Variants in NRG3 observed in about 807,000 individuals in gnomAD.
NRG3 encodes the protein neuregulin 3.
A neutral mutation model predicts 66.9 loss-of-function variants in NRG3; 31 were observed. The observed-to-expected ratio is 0.46, with a 90% CI of 0.35 to 0.63. The LOEUF is 0.63. Among genes scored for constraint, NRG3 ranks in the 20% least tolerant of loss-of-function variants. NRG3 has a pLI of 0.00. For synonymous variants in NRG3, 393 were observed against 359.4 expected (o/e 1.09, Z -1.06); for missense variants, 910 against 878.9 (o/e 1.04, Z -0.45).
At chr10:82,145,944 TACAGA>T (rs2070220852) in intron 1 of NRG3, among the ~76,000 whole-genome samples, 1 of 152,114 alleles carries the variant, frequency 6.6e-6, no homozygotes, top group South Asian at 2.1e-4. Context: ...CAGTGAACCA[TACAGA>T]ACTTGCATAT....
At chr10:81,907,191 A>G (rs1237004108) in intron 1 of NRG3, among the ~76,000 whole-genome samples, 2 of 152,132 alleles carry the variant, frequency 1.3e-5, no homozygotes, top group African/African-American at 4.8e-5. Context: ...GGAGAAGAAA[A>G]CCACCAACTA....
At chr10:82,574,271 G>A (rs1043843639) in intron 2 of NRG3, among the ~76,000 whole-genome samples, 4 of 151,720 alleles carry the variant, frequency 2.6e-5, no homozygotes, top group African/African-American at 9.7e-5. Context: ...AATGTCAAGT[G>A]AAATAAGCCA....
intron 1 of NRG3, among the ~76,000 whole-genome samples, chr10:82,016,807 G>C (rs1199697156): frequency 2.0e-5 from 3 of 152,166 alleles, no homozygotes; most frequent in Non-Finnish European, 4.4e-5. Context: ...TTAATAGCAA[G>C]TGAATTATAT....
chr10:82,644,443 A>G (rs1429796388), intron 2 of NRG3, among the ~76,000 whole-genome samples: 1 of 152,032 alleles, frequency 6.6e-6, no homozygotes, highest in African/African-American at 2.4e-5. Flanking sequence ...TTCTTTTTTT[A>G]ACTGTTAAAT....
At chr10:82,166,171 C>T (rs1564625024) in intron 1 of NRG3, among the ~76,000 whole-genome samples, 1 of 151,904 alleles carries the variant, frequency 6.6e-6, no homozygotes, top group Non-Finnish European at 1.5e-5. Flanking sequence ...TACAGGCATG[C>T]ACCACCACGC....
chr10:82,243,272 A>G (rs2077083483), intron 1 of NRG3, among the ~76,000 whole-genome samples: 1 of 152,220 alleles, frequency 6.6e-6, no homozygotes, highest in South Asian at 2.1e-4. Context: ...TATGCAAAAA[A>G]TCAGTCTTCT....
In NRG3 at chr10:82,640,038, C is replaced by T. The variant is rs961839349; in HGVS notation, c.954-98539C>T. Among the ~76,000 whole-genome samples the T allele has an allele frequency of 5.6e-4, 85 of 152,052 alleles. 1 individual carries two copies. Among genetic ancestry groups the T allele is most frequent in the Admixed American group, 3.9e-4 (6 of 15,248 alleles). On this transcript the variant is annotated intron_variant, in intron 2 of 8. Coordinates refer to ENST00000372141, the MANE Select transcript of NRG3 (RefSeq NM_001010848.4). Reference sequence around the variant, plus strand: ...CATGCAGTATTTAGTTTTCTGTTCCCGTGTTAGTTTGCTAGGGATAATGGC... The same window carrying T: ...CATGCAGTATTTAGTTTTCTGTTCCTGTGTTAGTTTGCTAGGGATAATGGC...
Position 82,100,544 on chromosome 10 carries a change from G to T in NRG3, c.823+224381G>T, listed in dbSNP as rs555935384. Among the ~76,000 whole-genome samples the T allele has an allele frequency of 2.6e-5, 4 of 152,154 alleles. No homozygotes were observed. In the East Asian group the frequency reaches 7.7e-4, roughly 29 times the overall value. On this transcript the variant is annotated intron_variant, in intron 1 of 8. Transcript: ENST00000372141. ...TGTTTTCTTTTGGTGTGAGTTGCAT[G>T]ATCAGGTTAAGGAAGTTCCCATCTA...
At chr10:82,577,600 C>T (rs902930639) in intron 2 of NRG3, among the ~76,000 whole-genome samples, 4 of 151,580 alleles carry the variant, frequency 2.6e-5, no homozygotes, top group African/African-American at 9.7e-5. Context: ...AAAATAATCC[C>T]ATTGTTTTGT....
rs1322452381 is a variant in NRG3 at position 81,933,134 on chromosome 10, A to G, written c.823+56971A>G. Among the ~76,000 whole-genome samples the G allele has an allele frequency of 2.6e-5, 4 of 151,870 alleles. No homozygotes were observed. In the East Asian group the frequency reaches 5.8e-4, roughly 22 times the overall value. On this transcript the variant is annotated intron_variant, in intron 1 of 8. Transcript: ENST00000372141. ...AAAAAAAAAAAAAAAAAGAAAAGAA[A>G]AAAAGAAATTTGTTCTTTCTGATCA...
chr10:82,460,560 C>T lies in NRG3; in HGVS notation c.953+101692C>T, dbSNP rs754679505. Among the ~76,000 whole-genome samples, 66 of 152,144 alleles carry T rather than the reference C, an allele frequency of 4.3e-4. 1 individual carries two copies. The highest frequency in any genetic ancestry group is 3.2e-3 in the Middle Eastern group (1 of 316). On this transcript the variant is annotated intron_variant, in intron 2 of 8. Coordinates refer to ENST00000372141, the MANE Select transcript of NRG3 (RefSeq NM_001010848.4). ...CTTTCATGCAACTCTCTATTCATTT[C>T]GGTGCAGGAAAAAACTGAGATGAGA...
intron 1 of NRG3, among the ~76,000 whole-genome samples, chr10:82,132,524 T>TATCATATATATCATA (rs1564593958): frequency 0.015 from 320 of 20,792 alleles, 40 homozygotes; most frequent in Non-Finnish European, 0.039. Context: ...ATGATATATA[T>TATCATATATATCATA]GATATATATA....
chr10:82,411,604 A>G (rs1449257627), intron 2 of NRG3, among the ~76,000 whole-genome samples: 1 of 152,110 alleles, frequency 6.6e-6, no homozygotes, highest in Non-Finnish European at 1.5e-5. Flanking sequence ...GACTCTGAAC[A>G]CTCATCAGAA....
intron 1 of NRG3, among the ~76,000 whole-genome samples, chr10:82,257,911 C>T (rs1223501906): frequency 6.6e-6 from 1 of 151,952 alleles, no homozygotes; most frequent in African/African-American, 2.4e-5. Flanking sequence ...TAAATTCTAC[C>T]CCTATTACCT....
chr10:81,934,165 C>A (rs116434303), intron 1 of NRG3, among the ~76,000 whole-genome samples: 3,694 of 152,266 alleles, frequency 0.024, 68 homozygotes, highest in African/African-American at 0.053. Context: ...GACAGTGATC[C>A]AGTTTCGGCA....
At chr10:81,960,197 T>C (rs1850220934) in intron 1 of NRG3, among the ~76,000 whole-genome samples, 1 of 152,174 alleles carries the variant, frequency 6.6e-6, no homozygotes, top group Non-Finnish European at 1.5e-5. Flanking sequence ...CTCAAATGAA[T>C]ATAGTTTTAT....
At chr10:82,201,095 G>T (rs1000537609) in intron 1 of NRG3, among the ~76,000 whole-genome samples, 1 of 151,670 alleles carries the variant, frequency 6.6e-6, no homozygotes, top group Non-Finnish European at 1.5e-5. Context: ...TACTTGGGAG[G>T]CTGAGGCAGG....
intron 1 of NRG3, among the ~76,000 whole-genome samples, chr10:82,065,978 T>C (rs762171230): frequency 1.1e-4 from 16 of 152,208 alleles, no homozygotes; most frequent in Non-Finnish European, 1.9e-4. Context: ...TTTCCATTGC[T>C]ATCATCATTT....
intron 2 of NRG3, among the ~76,000 whole-genome samples, chr10:82,521,239 G>C (rs561995216): frequency 6.6e-6 from 1 of 152,118 alleles, no homozygotes; most frequent in Middle Eastern, 3.2e-3. Context: ...ACAATCATCT[G>C]AGCTTTCAGG....
Sources: gnomAD v4.1 joint callset for allele counts (sites outside exome capture counted in the v4.1 genomes callset) on GRCh38, gnomAD v4.1.1 for gene constraint, MANE v1.5 for transcripts, NCBI Gene and HGNC (gene_info 2026-07-23, HGNC 2026-07-21) for gene names.